The following UNKL variants were observed in gnomAD, a reference collection of about 807,000 sequenced individuals.
The protein encoded by UNKL is putative E3 ubiquitin-protein ligase UNKL.
UNKL carries 60 observed loss-of-function variants against 78.0 expected under a neutral mutation model. The ratio of observed to expected loss-of-function variants is 0.77; its 90% confidence interval spans 0.63 to 0.95. UNKL has a LOEUF of 0.95. Among genes scored for constraint, UNKL ranks in the 40% least tolerant of loss-of-function variants. The pLI is 0.00. For missense variants in UNKL, 1,159 were observed against 1,045.7 expected (o/e 1.11, Z -1.49); for synonymous variants, 608 against 474.8 (o/e 1.28, Z -3.65).
At chr16:1,406,204 G>A (rs552542913) in intron 2 of UNKL, 11 of 330,046 alleles carry the variant, frequency 3.3e-5, no homozygotes, top group Non-Finnish European at 5.3e-5. Context: ...CTCCCATGCC[G>A]GGCTATATTG....
intron 12 of UNKL, among the ~76,000 whole-genome samples, chr16:1,369,661 A>G (rs2141952136): frequency 6.6e-6 from 1 of 152,240 alleles, no homozygotes; most frequent in Admixed American, 6.5e-5. Context: ...GAGCCACTGC[A>G]CCCGACCAAG....
At chr16:1,382,862 GC>G (rs1214309422) in intron 10 of UNKL, among the ~76,000 whole-genome samples, 3 of 151,710 alleles carry the variant, frequency 2.0e-5, no homozygotes, top group Non-Finnish European at 4.4e-5. Flanking sequence ...GGAGGCTGAG[GC>G]AGGAGAATCA....
intron 8 of UNKL, among the ~76,000 whole-genome samples, chr16:1,391,553 C>T (rs2037053492): frequency 6.6e-6 from 1 of 152,152 alleles, no homozygotes; most frequent in Non-Finnish European, 1.5e-5. Context: ...CCCACCTCAG[C>T]CTCCCAAAGT....
At chr16:1,368,405 A>C (rs1202173644) in intron 12 of UNKL, among the ~76,000 whole-genome samples, 2 of 151,552 alleles carry the variant, frequency 1.3e-5, no homozygotes. Flanking sequence ...GATCGAGACC[A>C]TCCTGGCTAA....
chr16:1,381,671 C>T (rs1197417731), intron 10 of UNKL, among the ~76,000 whole-genome samples: 1 of 152,212 alleles, frequency 6.6e-6, no homozygotes, highest in African/African-American at 2.4e-5. Flanking sequence ...GTGTAGACTT[C>T]ATCCCTGACC....
At chr16:1,391,239 TACACACACACACACAC>T (rs142620901) in intron 8 of UNKL, among the ~76,000 whole-genome samples, 7 of 10,360 alleles carry the variant, frequency 6.8e-4, no homozygotes, top group African/African-American at 1.5e-3. Context: ...CCCTTAAAGA[TACACACACACACACAC>T]ACACACACAC....
At chr16:1,367,887 A>G (rs1049526345) in intron 12 of UNKL, 29 bp from the exon 13 acceptor site, 13 of 1,529,832 alleles carry the variant, frequency 8.5e-6, no homozygotes, top group Non-Finnish European at 1.1e-5. Context: ...ATGACGGCCC[A>G]GCCCTGCTGT....
At chr16:1,408,112 A>G (rs979167241) in intron 2 of UNKL, among the ~76,000 whole-genome samples, 2 of 152,194 alleles carry the variant, frequency 1.3e-5, no homozygotes, top group East Asian at 3.9e-4. Context: ...CTCAAAAGAA[A>G]AACAAAAAAA....
At chr16:1,401,459 G>T in intron 4 of UNKL, 109 bp downstream of exon 4, 2 of 1,296,782 alleles carry the variant, frequency 1.5e-6, no homozygotes, top group Non-Finnish European at 1.0e-6. Flanking sequence ...TTCCCCATCT[G>T]ATCACCTTGC....
chr16:1,400,805 A>G (rs2037492577), intron 4 of UNKL, among the ~76,000 whole-genome samples: 1 of 151,890 alleles, frequency 6.6e-6, no homozygotes, highest in South Asian at 2.1e-4. Context: ...CTCCAGCCTC[A>G]GCCTCCCAAG....
intron 3 of UNKL, among the ~76,000 whole-genome samples, chr16:1,402,026 G>C (rs1167376053): frequency 6.6e-6 from 1 of 152,220 alleles, no homozygotes; most frequent in Non-Finnish European, 1.5e-5. Flanking sequence ...GCCTCCCAGA[G>C]CACTGGGATT....
intron 2 of UNKL, among the ~76,000 whole-genome samples, chr16:1,405,054 C>T (rs1158391778): frequency 1.3e-5 from 2 of 151,924 alleles, no homozygotes; most frequent in African/African-American, 2.4e-5. Flanking sequence ...ATTAGCCCGG[C>T]GTGGTGGTGG....
chr16:1,390,718 T>C, intron 8 of UNKL, 24 bp from the exon 9 acceptor site: 1 of 1,535,784 alleles, frequency 6.5e-7, no homozygotes, highest in Non-Finnish European at 8.7e-7. Flanking sequence ...AACAGTCATA[T>C]GTGGAAAAAG....
intron 12 of UNKL, among the ~76,000 whole-genome samples, chr16:1,369,055 GTTTTT>G (rs1218071522): frequency 5.4e-4 from 29 of 53,688 alleles, no homozygotes; most frequent in Non-Finnish European, 1.9e-4. Flanking sequence ...CAAAGTATTA[GTTTTT>G]TTTTTTTTTT....
Position 1,363,360 on chromosome 16 carries a change from G to A in UNKL, c.*2880C>T. 1 of 456,834 alleles carries A rather than the reference G, an allele frequency of 2.2e-6. No individual in the cohort carries two copies. Among genetic ancestry groups the A allele is most frequent in the Non-Finnish European group, 4.0e-6 (1 of 247,666 alleles). The allele number at this position is 456,834 out of a possible 1,614,324, so 28.3% of individuals were successfully genotyped here. Reference sequence around the variant, plus strand: ...AATGATTATAAATACTACCTTCTGGGTTAAGAAAATTCCATTCAAATAACA... The same window carrying A: ...AATGATTATAAATACTACCTTCTGGATTAAGAAAATTCCATTCAAATAACA... On this transcript the variant is annotated 3_prime_UTR_variant, in exon 15 of 15. Coordinates refer to ENST00000389221, the MANE Select transcript of UNKL (RefSeq NM_001372107.1).
chr16:1,393,339 C>A (rs937965396), intron 7 of UNKL, among the ~76,000 whole-genome samples: 12 of 151,888 alleles, frequency 7.9e-5, no homozygotes, highest in Non-Finnish European at 1.3e-4. Context: ...CCACTGAACC[C>A]AAACCCCAGG....
At position 1,383,417 on chromosome 16, in the gene UNKL, T is replaced by G. The variant is rs113849494; in HGVS notation, c.1264+1791A>C. On this transcript the variant is annotated intron_variant, in intron 10 of 14. Transcript: ENST00000389221. ...CAGGCCAAGAGCTGTGCCCAGAAGA[T>G]GCACCTGGTTGCAGAGGTGCTGAGA... The G allele has an allele frequency of 1.5e-3, 267 of 182,788 alleles. 3 individuals are homozygous for G. Among genetic ancestry groups the G allele is most frequent in the African/African-American group, 5.2e-3 (226 of 43,304 alleles). The allele number at this position is 182,788 out of a possible 1,614,324, so 11.3% of individuals were successfully genotyped here. A position where few individuals can be genotyped will look rare whatever the true frequency, so the allele number is the denominator to read the frequency against.
rs148650376 is a variant in UNKL at position 1,367,709 on chromosome 16, C to T, written c.1735G>A (p.Glu579Lys). The T allele has an allele frequency of 3.3e-5, 52 of 1,581,440 alleles. No homozygotes were observed. Among genetic ancestry groups the T allele is most frequent in the Non-Finnish European group, 4.3e-5 (50 of 1,164,734 alleles). Residue 579 changes from glutamate (E) to lysine (K), a missense_variant, in exon 13 of 15, where the codon GAG (glutamate) becomes AAG (lysine). Physicochemically the swap from Glu to Lys is moderately conservative, Grantham distance 56. Transcript: ENST00000389221. ...ELARVRRQLD[E>K]AKRKIRQWEE... ...CACTGCCGGATCTTCCTCTTGGCCTCGTCCAGCTGCCGCCTGACCCGGGCC... is the reference window on the plus strand; with the variant it reads ...CACTGCCGGATCTTCCTCTTGGCCTTGTCCAGCTGCCGCCTGACCCGGGCC...
Position 1,367,749 on chromosome 16 carries a change from T to C in UNKL, c.1695A>G (p.Pro565=), listed in dbSNP as rs763147787. 3.2e-6 allele frequency: 5 copies of C among 1,576,626 alleles called. No homozygotes were observed. Among genetic ancestry groups the C allele is most frequent in the Non-Finnish European group, 2.6e-6 (3 of 1,161,884 alleles). The change falls in exon 13 of 15, where the codon CCA becomes CCG. Residue 565 remains proline (P), a synonymous_variant. Transcript: ENST00000389221. ...AGPPSSSSAS[P]NGAELARVRR... ...TGACCCGGGCCAGCTCAGCTCCGTT[T>C]GGACTTGCACTCGAAGAGGATGGGG...
Sources: allele counts gnomAD v4.1 joint callset (sites outside exome capture counted in the v4.1 genomes callset), GRCh38; gene constraint gnomAD v4.1.1; transcripts MANE v1.5; gene names NCBI Gene and HGNC (gene_info 2026-07-23, HGNC 2026-07-21).